MAPK10: variants seen among roughly 807,000 people sequenced by gnomAD.
MAPK10 encodes the protein mitogen-activated protein kinase 10.
MAPK10 carries 25 observed loss-of-function variants against 59.3 expected under a neutral mutation model. The ratio of observed to expected loss-of-function variants is 0.42; its 90% confidence interval spans 0.31 to 0.59. MAPK10 has a LOEUF of 0.59. MAPK10 is among the 20% of genes least tolerant of loss of function. The pLI, the probability that MAPK10 is intolerant of heterozygous loss-of-function variation, is 0.15. For synonymous variants in MAPK10, 190 were observed against 200.5 expected, an observed-to-expected ratio of 0.95 and a Z score of 0.44; for missense variants, 351 against 568.9, an observed-to-expected ratio of 0.62 and a Z score of 3.90.
At chr4:86,511,794 A>AAAGG (rs968516808) in intron 1 of MAPK10, among the ~76,000 whole-genome samples, 2 of 149,554 alleles carry the variant, frequency 1.3e-5, no homozygotes, top group Non-Finnish European at 3.0e-5. Flanking sequence ...GAGAAGAAGA[A>AAAGG]AAGGAAGGAA....
intron 1 of MAPK10, among the ~76,000 whole-genome samples, chr4:86,494,334 G>A (rs923953703): frequency 6.6e-6 from 1 of 152,176 alleles, no homozygotes; most frequent in African/African-American, 2.4e-5. Context: ...CAAGAATCCA[G>A]GGAAACTCTA....
intron 1 of MAPK10, chr4:86,370,879 T>C (rs1738656527): frequency 1.3e-5 from 2 of 152,080 alleles, no homozygotes; most frequent in African/African-American, 2.4e-5. Flanking sequence ...TGTAACAAAA[T>C]GGAAAAGAGA....
intron 1 of MAPK10, among the ~76,000 whole-genome samples, chr4:86,406,992 C>A (rs540644060): frequency 2.0e-5 from 3 of 152,252 alleles, no homozygotes; most frequent in East Asian, 1.9e-4. Flanking sequence ...CCATGTTCCA[C>A]GGGATGGGAT....
intron 2 of MAPK10, among the ~76,000 whole-genome samples, chr4:86,223,099 T>C (rs866336729): frequency 1.5e-4 from 23 of 152,252 alleles, no homozygotes; most frequent in African/African-American, 5.5e-4. Flanking sequence ...TTGTGGATTC[T>C]GGAGGCAACA....
chr4:86,380,690 C>T (rs1359137407), intron 1 of MAPK10, among the ~76,000 whole-genome samples: 1 of 151,950 alleles, frequency 6.6e-6, no homozygotes, highest in Non-Finnish European at 1.5e-5. Context: ...ATGATAAATA[C>T]ATTATGCATG....
intron 2 of MAPK10, among the ~76,000 whole-genome samples, chr4:86,271,974 C>T (rs1393958518): frequency 2.6e-5 from 4 of 151,918 alleles, no homozygotes. Flanking sequence ...TTTTTCAACC[C>T]TTGCCCCCTT....
chr4:86,242,477 G>T (rs1291853203), intron 2 of MAPK10, among the ~76,000 whole-genome samples: 1 of 152,226 alleles, frequency 6.6e-6, no homozygotes, highest in Non-Finnish European at 1.5e-5. Context: ...TGCAGAGACT[G>T]CAGCCGCCCC....
rs558269899 is a variant in MAPK10 at position 86,059,985 on chromosome 4, C to G, written c.1110+4281G>C. On this transcript the variant is annotated intron_variant, in intron 11 of 13. Transcript: ENST00000641462. Reference sequence around the variant, plus strand: ...CAGCTGCCCAAGCAGCTCTACCTGCCTCTCTGCCCTGATTCCCAGAGTAAG... The same window carrying G: ...CAGCTGCCCAAGCAGCTCTACCTGCGTCTCTGCCCTGATTCCCAGAGTAAG... 2.0e-5 allele frequency among the ~76,000 whole-genome samples: 3 copies of G among 152,298 alleles called. No homozygotes were observed. The East Asian group carries it at 5.8e-4, about 29-fold the overall frequency.
chr4:86,111,796 G>A (rs528218485), intron 4 of MAPK10, among the ~76,000 whole-genome samples: 1 of 152,304 alleles, frequency 6.6e-6, no homozygotes, highest in East Asian at 1.9e-4. Flanking sequence ...AGTTTCAGAA[G>A]AAATAGTACC....
intron 2 of MAPK10, among the ~76,000 whole-genome samples, chr4:86,283,593 AT>A (rs2094898511): frequency 6.6e-6 from 1 of 152,280 alleles, no homozygotes; most frequent in East Asian, 1.9e-4. Flanking sequence ...ATTTTAACTT[AT>A]TTTTTACAGC....
At chr4:86,039,729 G>A (rs1172896290) in intron 11 of MAPK10, among the ~76,000 whole-genome samples, 2 of 152,156 alleles carry the variant, frequency 1.3e-5, no homozygotes, top group Non-Finnish European at 2.9e-5. Flanking sequence ...GCCCCCTGTG[G>A]ACCCAAGGAT....
chr4:86,394,653 C>T (rs548375864), intron 1 of MAPK10, among the ~76,000 whole-genome samples: 4 of 152,044 alleles, frequency 2.6e-5, no homozygotes, highest in African/African-American at 9.7e-5. Context: ...TCGGAAGATA[C>T]AATGACTCGT....
intron 2 of MAPK10, among the ~76,000 whole-genome samples, chr4:86,287,801 TA>T (rs1375971584): frequency 5.9e-5 from 9 of 152,344 alleles, no homozygotes; most frequent in East Asian, 5.8e-4. Context: ...AGAATTTGTC[TA>T]AAAGTCTGAT....
intron 2 of MAPK10, among the ~76,000 whole-genome samples, chr4:86,270,138 C>G (rs1022080524): frequency 6.6e-6 from 1 of 151,980 alleles, no homozygotes; most frequent in Non-Finnish European, 1.5e-5. Flanking sequence ...CTTATTCCAG[C>G]ATCCATTTAA....
intron 2 of MAPK10, among the ~76,000 whole-genome samples, chr4:86,214,511 TAAAAAAAAAAAAA>T (rs70948783): frequency 2.6e-5 from 2 of 75,974 alleles, no homozygotes; most frequent in African/African-American, 5.2e-5. Flanking sequence ...TAAGATTCCT[TAAAAAAAAAAAAA>T]AAAAAAAAAA....
chr4:86,439,576 G>GA (rs1222381204), intron 1 of MAPK10, among the ~76,000 whole-genome samples: 9 of 152,152 alleles, frequency 5.9e-5, no homozygotes, highest in Non-Finnish European at 1.2e-4. Context: ...TTCTTATGTA[G>GA]ACAGACGTTT....
intron 2 of MAPK10, among the ~76,000 whole-genome samples, chr4:86,296,826 T>C (rs546710447): frequency 6.6e-6 from 1 of 152,360 alleles, no homozygotes; most frequent in Non-Finnish European, 1.5e-5. Context: ...TGATGCTAAA[T>C]GTGCATTTCT....
chr4:86,143,320 G>A (rs993562834), intron 4 of MAPK10, among the ~76,000 whole-genome samples: 1 of 152,184 alleles, frequency 6.6e-6, no homozygotes, highest in Non-Finnish European at 1.5e-5. Flanking sequence ...TGGAGACACA[G>A]CTAAACCATA....
chr4:86,060,742 T>G (rs1323570998), intron 11 of MAPK10, among the ~76,000 whole-genome samples: 1 of 152,094 alleles, frequency 6.6e-6, no homozygotes, highest in Non-Finnish European at 1.5e-5. Flanking sequence ...TTTAAACTAA[T>G]GACACTAGAT....
Sources: allele counts gnomAD v4.1 joint callset (sites outside exome capture counted in the v4.1 genomes callset), GRCh38; gene constraint gnomAD v4.1.1; transcripts MANE v1.5; gene names NCBI Gene and HGNC (gene_info 2026-07-23, HGNC 2026-07-21).